Variants in ZNF675 observed in about 807,000 individuals in gnomAD.
ZNF675 encodes the protein TRAF6 inhibitory zinc finger.
ZNF675 carries 36 observed loss-of-function variants against 56.1 expected under a neutral mutation model. The ratio of observed to expected loss-of-function variants is 0.64; its 90% CI spans 0.49 to 0.85. The LOEUF is 0.85. Among genes scored for constraint, ZNF675 ranks in the 40% least tolerant of loss-of-function variants. The pLI is 0.00. For synonymous variants in ZNF675, 200 were observed against 218.9 expected, an observed-to-expected ratio of 0.91 and a Z score of 0.76; for missense variants, 663 against 654.2, an observed-to-expected ratio of 1.01 and a Z score of -0.15.
At chr19:23,661,442 GCACTTTGAGA>G (rs1489211782) in intron 3 of ZNF675, among the ~76,000 whole-genome samples, 16 of 150,764 alleles carry the variant, frequency 1.1e-4, no homozygotes, top group African/African-American at 3.4e-4. Context: ...TGTAATCCCA[GCACTTTGAGA>G]AGCCAAGGTA....
At chr19:23,669,159 T>C (rs1968196198) in intron 1 of ZNF675, among the ~76,000 whole-genome samples, 3 of 152,114 alleles carry the variant, frequency 2.0e-5, no homozygotes, top group Non-Finnish European at 2.9e-5. Context: ...GGTAATTGAG[T>C]GGAACTAGCC....
chr19:23,654,858 G>C lies in ZNF675; in HGVS notation c.227-152C>G, dbSNP rs1000691458. ...TTGCCCCAGGTGAGCACAATGCAAAGAGCCACATAGAAAAAAAAAAAAAAT... is the reference window on the plus strand; with the variant it reads ...TTGCCCCAGGTGAGCACAATGCAAACAGCCACATAGAAAAAAAAAAAAAAT... On this transcript the variant is annotated intron_variant, in intron 3 of 3. Coordinates refer to ENST00000359788, the MANE Select transcript of ZNF675 (RefSeq NM_138330.3). The C allele has an allele frequency of 1.3e-4, 52 of 401,834 alleles. No homozygotes were observed. The African/African-American group carries it at 1.8e-3, about 14-fold the overall frequency. 24.9% of individuals were successfully genotyped at this position (401,834 alleles called of 1,614,324 possible).
intron 1 of ZNF675, among the ~76,000 whole-genome samples, chr19:23,669,420 CA>C (rs946740248): frequency 2.8e-5 from 4 of 144,128 alleles, no homozygotes; most frequent in Admixed American, 2.7e-4. Flanking sequence ...CCTAGCTATG[CA>C]AAAAGGTTAT....
At chr19:23,663,969 G>A (rs577907240) in intron 1 of ZNF675, among the ~76,000 whole-genome samples, 6 of 152,186 alleles carry the variant, frequency 3.9e-5, no homozygotes, top group Non-Finnish European at 5.9e-5. Context: ...TAAAATAATC[G>A]TGAGAATTCT....
At chr19:23,658,887 A>ATCTATAGATC (rs1968033447) in intron 3 of ZNF675, among the ~76,000 whole-genome samples, 7 of 41,198 alleles carry the variant, frequency 1.7e-4, no homozygotes, top group East Asian at 5.9e-4. Flanking sequence ...ATCTATAGAT[A>ATCTATAGATC]TAGATCTATA....
At chr19:23,657,735 T>C (rs964250626) in intron 3 of ZNF675, among the ~76,000 whole-genome samples, 1 of 151,788 alleles carries the variant, frequency 6.6e-6, no homozygotes, top group African/African-American at 2.4e-5. Context: ...CAAAAAAGAC[T>C]ATCTCCATGA....
chr19:23,662,806 C>A (rs1199121629), intron 2 of ZNF675, among the ~76,000 whole-genome samples: 1 of 151,930 alleles, frequency 6.6e-6, no homozygotes, highest in Non-Finnish European at 1.5e-5. Context: ...ATGGTGAAAC[C>A]CTGTCTCTAC....
In ZNF675 at chr19:23,679,367, C is replaced by CA. The variant is rs1263326219; in HGVS notation, c.3+7663dup. ...AGGCTAACCCTGGATCCCTTCCTTA[C>CA]AACATATACAAAAATTAACAAGATA... On this transcript the variant is annotated intron_variant, in intron 1 of 3. Coordinates refer to ENST00000359788, the MANE Select transcript of ZNF675 (RefSeq NM_138330.3). 4.0e-5 allele frequency among the ~76,000 whole-genome samples: 6 copies of CA among 151,454 alleles called. No individual in the cohort carries two copies. The East Asian group carries it at 1.2e-3, about 29-fold the overall frequency.
At chr19:23,681,837 T>C (rs1375778209) in intron 1 of ZNF675, among the ~76,000 whole-genome samples, 1 of 151,088 alleles carries the variant, frequency 6.6e-6, no homozygotes, top group Non-Finnish European at 1.5e-5. Flanking sequence ...CAGTTTATTA[T>C]AAAAGATACA....
intron 1 of ZNF675, among the ~76,000 whole-genome samples, chr19:23,663,403 T>C (rs781238455): frequency 2.0e-5 from 3 of 152,048 alleles, no homozygotes; most frequent in Non-Finnish European, 2.9e-5. Flanking sequence ...TAATAACATA[T>C]ATAATAGGTC....
chr19:23,683,015 C>T (rs1458669910), intron 1 of ZNF675, among the ~76,000 whole-genome samples: 1 of 151,400 alleles, frequency 6.6e-6, no homozygotes, highest in Admixed American at 6.6e-5. Context: ...ATGGTGAAAC[C>T]CCATCTCTAC....
chr19:23,673,997 G>A (rs987963703), intron 1 of ZNF675, among the ~76,000 whole-genome samples: 1 of 151,638 alleles, frequency 6.6e-6, no homozygotes, highest in Non-Finnish European at 1.5e-5. Flanking sequence ...GAGGTCAGGA[G>A]TTCGAAACCA....
At chr19:23,658,773 T>G (rs1240957182) in intron 3 of ZNF675, 1 of 4,034 alleles carries the variant, frequency 2.5e-4, no homozygotes, top group Non-Finnish European at 1.1e-3. Context: ...AAAAATAGCC[T>G]TACATTGCTA....
intron 1 of ZNF675, among the ~76,000 whole-genome samples, chr19:23,668,695 C>A (rs1301160341): frequency 6.6e-6 from 1 of 152,172 alleles, no homozygotes; most frequent in Non-Finnish European, 1.5e-5. Context: ...TAAGGCCCGG[C>A]GAGAAATCGA....
chr19:23,653,103 TTACA>T lies in ZNF675; in HGVS notation c.*119_*122del, dbSNP rs755484468. ...GTAGTTTTCTCCAGTATGAATTATC[TTACA>T]TACAATGAAGTGTGAAAACCATTTA... On this transcript the variant is annotated 3_prime_UTR_variant, in exon 4 of 4. Transcript: ENST00000359788. The T allele has an allele frequency of 7.5e-6, 7 of 928,096 alleles. No homozygotes were observed. The highest frequency in any genetic ancestry group is 1.1e-5 in the Non-Finnish European group (7 of 635,350). The allele number at this position is 928,096 out of a possible 1,614,324, so 57.5% of individuals were successfully genotyped here.
chr19:23,677,200 C>A (rs1012250958), intron 1 of ZNF675, among the ~76,000 whole-genome samples: 1 of 151,296 alleles, frequency 6.6e-6, no homozygotes. Flanking sequence ...TCAGGCAAGC[C>A]GAAACAATAA....
chr19:23,665,677 T>C (rs1030652546), intron 1 of ZNF675, among the ~76,000 whole-genome samples: 4 of 152,066 alleles, frequency 2.6e-5, no homozygotes, highest in Admixed American at 2.6e-4. Context: ...TTGTGTATTT[T>C]AAGTAGAGGC....
At chr19:23,667,953 G>C (rs576836725) in intron 1 of ZNF675, among the ~76,000 whole-genome samples, 2 of 149,140 alleles carry the variant, frequency 1.3e-5, no homozygotes, top group Non-Finnish European at 3.0e-5. Flanking sequence ...AGACATAAAG[G>C]TTCTCCAAGG....
At chr19:23,668,707 C>T (rs914077915) in intron 1 of ZNF675, among the ~76,000 whole-genome samples, 5 of 152,184 alleles carry the variant, frequency 3.3e-5, no homozygotes, top group South Asian at 2.1e-4. Context: ...AGAAATCGAG[C>T]GCAGCGCCAG....
Sources: gnomAD v4.1 joint callset for allele counts (sites outside exome capture counted in the v4.1 genomes callset) on GRCh38, gnomAD v4.1.1 for gene constraint, MANE v1.5 for transcripts, NCBI Gene and HGNC (gene_info 2026-07-23, HGNC 2026-07-21) for gene names.